The following BICC1 variants were observed in gnomAD, a reference collection of about 807,000 sequenced individuals.
The protein encoded by BICC1 is protein bicaudal C homolog 1.
BICC1 carries 43 observed loss-of-function variants against 111.0 expected under a neutral mutation model. That is an observed-to-expected ratio of 0.39 (90% CI 0.30 to 0.50). The LOEUF (loss-of-function observed/expected upper bound fraction) is 0.50, where lower values mean the gene tolerates loss of function less well. Among genes scored for constraint, BICC1 ranks in the 20% least tolerant of loss-of-function variants. The probability of loss-of-function intolerance (pLI) is 0.88; values close to 1 mark genes in which losing one functional copy is unlikely to be tolerated. For missense variants in BICC1, 1,091 were observed against 1,203.2 expected, an observed-to-expected ratio of 0.91 and a Z score of 1.38; for synonymous variants, 467 against 434.4, an observed-to-expected ratio of 1.07 and a Z score of -0.93.
At chr10:58,655,160 A>G in intron 2 of BICC1, among the ~76,000 whole-genome samples, 1 of 142,588 alleles carries the variant, frequency 7.0e-6, no homozygotes. Context: ...TGCCTTGGCG[A>G]TGCGGGCTCT....
intron 3 of BICC1, among the ~76,000 whole-genome samples, chr10:58,741,982 G>C (rs1841682179): frequency 6.6e-6 from 1 of 152,112 alleles, no homozygotes; most frequent in Non-Finnish European, 1.5e-5. Context: ...TAAGATACTT[G>C]GTGGAGATGC....
intron 1 of BICC1, among the ~76,000 whole-genome samples, chr10:58,608,738 C>T (rs1043351096): frequency 5.3e-4 from 80 of 152,134 alleles, no homozygotes; most frequent in Admixed American, 3.7e-3. Context: ...AAGAATTTGC[C>T]CAGAGTTATG....
At chr10:58,675,580 A>G (rs892589545) in intron 2 of BICC1, among the ~76,000 whole-genome samples, 2 of 152,162 alleles carry the variant, frequency 1.3e-5, no homozygotes, top group Non-Finnish European at 2.9e-5. Context: ...TCAAACTTAC[A>G]GAAGAGGGTA....
chr10:58,716,491 T>C (rs1444235276), intron 3 of BICC1, among the ~76,000 whole-genome samples: 2 of 152,212 alleles, frequency 1.3e-5, no homozygotes, highest in Non-Finnish European at 2.9e-5. Flanking sequence ...TTTTTTTCTC[T>C]TCCAGTGCTT....
intron 2 of BICC1, among the ~76,000 whole-genome samples, chr10:58,640,831 A>G (rs1458174207): frequency 6.6e-6 from 1 of 152,242 alleles, no homozygotes; most frequent in Non-Finnish European, 1.5e-5. Context: ...GACCTATTAC[A>G]TGGTGAACAC....
chr10:58,587,735 A>C (rs188588793), intron 1 of BICC1, among the ~76,000 whole-genome samples: 2 of 152,302 alleles, frequency 1.3e-5, no homozygotes, highest in East Asian at 3.9e-4. Flanking sequence ...TTGTAGGATA[A>C]AGTGGCGGAG....
In BICC1 at chr10:58,807,170, C is replaced by G. The variant is rs761475102; in HGVS notation, c.2376+12C>G. Reference sequence around the variant, plus strand: ...CAACCACTTATGAGGTTTGTAGAGTCATGTCCTACTCATTCTTCCTGTCTG... The same window carrying G: ...CAACCACTTATGAGGTTTGTAGAGTGATGTCCTACTCATTCTTCCTGTCTG... On this transcript the variant is annotated intron_variant, in intron 17 of 20. Transcript: ENST00000373886. 6.2e-7 allele frequency: 1 copy of G among 1,606,968 alleles called. No individual in the cohort carries two copies. Among genetic ancestry groups the G allele is most frequent in the Admixed American group, 1.7e-5 (1 of 59,016 alleles).
In BICC1 at chr10:58,513,287, G is replaced by C. The variant is rs777329269; in HGVS notation, c.144G>C (p.Glu48Asp). The C allele has an allele frequency of 6.2e-7, 1 of 1,612,126 alleles. No individual in the cohort carries two copies. Among genetic ancestry groups the C allele is most frequent in the Non-Finnish European group, 8.5e-7 (1 of 1,178,984 alleles). ...GATLHSPEWSEERFRVDRKKL... is the reference protein window; with the variant it reads ...GATLHSPEWSDERFRVDRKKL... ...CCCTGCACAGCCCGGAGTGGAGCGA[G>C]GAGCGCTTCCGCGTGGACAGGAAGA... is the stretch of plus-strand genomic sequence containing the variant. The change falls in exon 1 of 21, where the codon GAG becomes GAC. Residue 48 changes from glutamate (E) to aspartate (D), a missense_variant. By Grantham distance (45) the Glu-to-Asp change is conservative. Transcript: ENST00000373886.
intron 1 of BICC1, among the ~76,000 whole-genome samples, chr10:58,585,559 G>A (rs1410882302): frequency 6.6e-6 from 1 of 152,028 alleles, no homozygotes; most frequent in Non-Finnish European, 1.5e-5. Flanking sequence ...CGTGATTGCA[G>A]TCTTCGGCAT....
At chr10:58,778,178 A>C (rs918364242) in intron 3 of BICC1, among the ~76,000 whole-genome samples, 1 of 152,130 alleles carries the variant, frequency 6.6e-6, no homozygotes, top group Non-Finnish European at 1.5e-5. Context: ...ACACCACTGC[A>C]CACCAGCCTG....
intron 3 of BICC1, among the ~76,000 whole-genome samples, chr10:58,705,980 G>C (rs1056913075): frequency 1.3e-5 from 2 of 152,198 alleles, no homozygotes; most frequent in Admixed American, 6.5e-5. Context: ...TTGTCTTAAA[G>C]AGGGTCACGA....
chr10:58,555,859 A>G (rs552278505), intron 1 of BICC1, among the ~76,000 whole-genome samples: 1 of 152,296 alleles, frequency 6.6e-6, no homozygotes, highest in Non-Finnish European at 1.5e-5. Context: ...AAAGAGAATC[A>G]GTTCTGTGTG....
chr10:58,549,038 G>A (rs906836083), intron 1 of BICC1, among the ~76,000 whole-genome samples: 4 of 151,970 alleles, frequency 2.6e-5, no homozygotes, highest in Admixed American at 2.6e-4. Context: ...TGGAGACAGG[G>A]TTTTGCCATG....
At chr10:58,799,843 A>G (rs6481438) in intron 12 of BICC1, among the ~76,000 whole-genome samples, 116,683 of 151,958 alleles carry the variant, frequency 0.77, 45,038 homozygotes, top group African/African-American at 0.83. Flanking sequence ...GCTCTTGTTT[A>G]GTTCCATATG....
chr10:58,807,834 G>A (rs1700465917), intron 17 of BICC1, among the ~76,000 whole-genome samples: 1 of 152,074 alleles, frequency 6.6e-6, no homozygotes, highest in Non-Finnish European at 1.5e-5. Context: ...GGTGGGTCTA[G>A]AGAGAGCGTG....
intron 3 of BICC1, among the ~76,000 whole-genome samples, chr10:58,711,834 C>A (rs1169550473): frequency 4.0e-5 from 6 of 149,050 alleles, no homozygotes; most frequent in Non-Finnish European, 7.4e-5. Context: ...GATATTTTCC[C>A]TTAACTTAGA....
intron 1 of BICC1, among the ~76,000 whole-genome samples, chr10:58,603,087 T>G (rs909472212): frequency 2.6e-5 from 4 of 152,226 alleles, no homozygotes; most frequent in Non-Finnish European, 5.9e-5. Context: ...TATCAGTGAC[T>G]GCTTCTACCA....
intron 3 of BICC1, among the ~76,000 whole-genome samples, chr10:58,756,738 A>G (rs1398428794): frequency 6.6e-6 from 1 of 150,724 alleles, no homozygotes; most frequent in Non-Finnish European, 1.5e-5. Flanking sequence ...TAGCAGTTTA[A>G]TATCGAACAA....
At chr10:58,653,679 CTT>C (rs71033696) in intron 2 of BICC1, among the ~76,000 whole-genome samples, 37 of 150,506 alleles carry the variant, frequency 2.5e-4, no homozygotes, top group Admixed American at 4.6e-4. Context: ...ATTGTTCTTT[CTT>C]TTTTTTTTTA....
Sources: allele counts gnomAD v4.1 joint callset (sites outside exome capture counted in the v4.1 genomes callset), GRCh38; gene constraint gnomAD v4.1.1; transcripts MANE v1.5; gene names NCBI Gene and HGNC (gene_info 2026-07-23, HGNC 2026-07-21).